The following VPS35L variants were observed in gnomAD, a reference collection of about 807,000 sequenced individuals.
VPS35L encodes VPS35 endosomal protein-sorting factor-like.
A neutral mutation model predicts 133.0 loss-of-function variants in VPS35L; 83 were observed. The ratio of observed to expected loss-of-function variants is 0.62; its 90% CI spans 0.52 to 0.75. The LOEUF (loss-of-function observed/expected upper bound fraction) is 0.75. VPS35L is among the 30% of genes least tolerant of loss of function. The pLI is 0.00. For synonymous variants in VPS35L, 423 were observed against 449.9 expected, an observed-to-expected ratio of 0.94 and a Z score of 0.76; for missense variants, 1,083 against 1,206.8, an observed-to-expected ratio of 0.90 and a Z score of 1.52.
chr16:19,612,232 C>T (rs560655266), intron 12 of VPS35L, among the ~76,000 whole-genome samples: 417 of 151,354 alleles, frequency 2.8e-3, no homozygotes, highest in Middle Eastern at 0.021. Flanking sequence ...CCACTGCACC[C>T]GGCCTTTTTT....
chr16:19,569,619 G>C (rs753353079), intron 3 of VPS35L, 28 bp downstream of exon 3: 99 of 1,508,812 alleles, frequency 6.6e-5, no homozygotes, highest in Non-Finnish European at 8.6e-5. Context: ...TGGTCGTCCA[G>C]TGGGGGTTGG....
At chr16:19,561,403 T>C (rs1971025850) in intron 1 of VPS35L, among the ~76,000 whole-genome samples, 1 of 152,114 alleles carries the variant, frequency 6.6e-6, no homozygotes, top group Admixed American at 6.5e-5. Flanking sequence ...TAGAACTGGT[T>C]CATTATTGTC....
At position 19,567,267 on chromosome 16, in the gene VPS35L, C is replaced by T. The variant is rs557711826; in HGVS notation, c.118-2157C>T. Among the ~76,000 whole-genome samples, 10 of 152,348 alleles carry T rather than the reference C, an allele frequency of 6.6e-5. No individual in the cohort carries two copies. The East Asian group carries it at 1.9e-3, about 29-fold the overall frequency. On this transcript the variant is annotated intron_variant, in intron 2 of 30. Transcript: ENST00000417362. ...GAGCTGCTGCAGCTCCAGGCCTATC[C>T]TGTTAGGTTAGCAACATCAGCAGCA...
intron 4 of VPS35L, among the ~76,000 whole-genome samples, chr16:19,574,609 T>C (rs758579454): frequency 4.3e-4 from 65 of 152,168 alleles, no homozygotes; most frequent in Non-Finnish European, 8.4e-4. Flanking sequence ...TCTTTTTTTT[T>C]TTTAACTGTA....
rs767894566 is a variant in VPS35L, at chr16:19,691,402, AAAC to A, written c.2583_2585del (p.Asn861del). 6.2e-7 allele frequency: 1 copy of A among 1,613,944 alleles called. No homozygotes were observed. Among genetic ancestry groups the A allele is most frequent in the Non-Finnish European group, 8.5e-7 (1 of 1,179,968 alleles). On this transcript the variant is annotated inframe_deletion, in exon 29 of 31. Transcript: ENST00000417362. The stretch of plus-strand genomic sequence containing the variant: ...GGGGAGACTCCAAGTTCCTGGCAGA[AAAC>A]AACAAGCTGTGTGAGACGGTGATGG...
chr16:19,601,341 G>T (rs540687369), intron 8 of VPS35L, among the ~76,000 whole-genome samples: 1 of 152,184 alleles, frequency 6.6e-6, no homozygotes, highest in South Asian at 2.1e-4. Context: ...GATTCAGCCC[G>T]TGGGCTGCCT....
intron 26 of VPS35L, among the ~76,000 whole-genome samples, 159 bp from the exon 27 acceptor site, chr16:19,669,001 G>T (rs1974785611): frequency 6.6e-6 from 1 of 152,194 alleles, no homozygotes; most frequent in Admixed American, 6.5e-5. Context: ...TATTCCTCCA[G>T]CTCCATCATG....
At position 19,699,339 on chromosome 16, in the gene VPS35L, G is replaced by A; in HGVS notation, c.2647-163G>A. ...ACTGTCACTTACAGATGAAGCAGCT[G>A]GGACTTTGGGAGGTTCAGCAGCTTG... On this transcript the variant is annotated intron_variant, in intron 29 of 30. Coordinates refer to ENST00000417362, the MANE Select transcript of VPS35L (RefSeq NM_020314.7). This position sits in a 1 kb window ranked among gnomAD's most constrained non-coding sequence, Gnocchi z 4.2. 1.3e-6 allele frequency: 1 copy of A among 786,656 alleles called. No homozygotes were observed. Among genetic ancestry groups the A allele is most frequent in the African/African-American group, 1.7e-5 (1 of 57,372 alleles). The allele number at this position is 786,656 out of a possible 1,614,324, so 48.7% of individuals were successfully genotyped here.
At chr16:19,607,957 G>T in intron 9 of VPS35L, 2 of 523,792 alleles carry the variant, frequency 3.8e-6, no homozygotes, top group Non-Finnish European at 6.8e-6. Context: ...GGGATCAGGT[G>T]AGCTGTCTGT....
intron 8 of VPS35L, among the ~76,000 whole-genome samples, chr16:19,599,643 C>T (rs1485318050): frequency 5.9e-5 from 9 of 152,038 alleles, no homozygotes; most frequent in Admixed American, 1.3e-4. Context: ...TGGGACTACA[C>T]GCGTGCACCA....
chr16:19,689,699 C>A (rs2151624820), intron 28 of VPS35L, among the ~76,000 whole-genome samples: 1 of 152,218 alleles, frequency 6.6e-6, no homozygotes, highest in Admixed American at 6.5e-5. Flanking sequence ...GATAAAATTT[C>A]ACTTCGTCCC....
intron 29 of VPS35L, among the ~76,000 whole-genome samples, chr16:19,692,063 A>T (rs1305510188): frequency 6.6e-6 from 1 of 151,920 alleles, no homozygotes; most frequent in Non-Finnish European, 1.5e-5. Flanking sequence ...TTTTTAGTAG[A>T]GATGGGGTTT....
intron 29 of VPS35L, among the ~76,000 whole-genome samples, chr16:19,695,984 TCA>T (rs1975894174): frequency 6.6e-6 from 1 of 151,984 alleles, no homozygotes; most frequent in Non-Finnish European, 1.5e-5. Flanking sequence ...CCTCCCAGAT[TCA>T]AGTGATTCTC....
At chr16:19,654,452 G>T (rs1187183919) in intron 26 of VPS35L, among the ~76,000 whole-genome samples, 1 of 151,678 alleles carries the variant, frequency 6.6e-6, no homozygotes, top group Non-Finnish European at 1.5e-5. Flanking sequence ...ATGGGTTATC[G>T]GGAGGCTGAG....
At chr16:19,588,943 T>G (rs1258103576) in intron 7 of VPS35L, among the ~76,000 whole-genome samples, 3 of 152,208 alleles carry the variant, frequency 2.0e-5, no homozygotes, top group Admixed American at 2.0e-4. Context: ...CTACCACCAT[T>G]TGGTATGAGC....
At chr16:19,668,414 C>T (rs757639071) in intron 26 of VPS35L, among the ~76,000 whole-genome samples, 9 of 152,136 alleles carry the variant, frequency 5.9e-5, no homozygotes, top group Non-Finnish European at 1.2e-4. Context: ...TCCTGCTCTC[C>T]CTCATCCCTT....
intron 9 of VPS35L, 142 bp downstream of exon 9, chr16:19,601,865 C>T (rs1972394734): frequency 1.3e-6 from 1 of 775,770 alleles, no homozygotes. Context: ...TTGAAGATTT[C>T]TGATCACCTC....
intron 12 of VPS35L, among the ~76,000 whole-genome samples, chr16:19,611,343 T>C (rs1187496543): frequency 2.6e-5 from 4 of 152,150 alleles, no homozygotes; most frequent in Admixed American, 2.6e-4. Flanking sequence ...ACACAGGGGC[T>C]TTGCCTCTGT....
At chr16:19,600,246 A>G (rs777142785) in intron 8 of VPS35L, among the ~76,000 whole-genome samples, 3 of 114,972 alleles carry the variant, frequency 2.6e-5, no homozygotes, top group Non-Finnish European at 5.3e-5. Flanking sequence ...ATTGCCCTGA[A>G]TAAAGGGTTA....
Sources: gnomAD v4.1 joint callset for allele counts (sites outside exome capture counted in the v4.1 genomes callset) on GRCh38, gnomAD v4.1.1 for gene constraint, Gnocchi (gnomAD v3.1) non-coding constraint, MANE v1.5 for transcripts, NCBI Gene and HGNC (gene_info 2026-07-23, HGNC 2026-07-21) for gene names.